Variants in ESCO1 observed in about 807,000 individuals in gnomAD.
ESCO1 encodes N-acetyltransferase ESCO1.
Under a neutral mutation model 83.5 loss-of-function variants are expected in ESCO1, and 33 were observed. The observed-to-expected ratio is 0.40, with a 90% CI of 0.30 to 0.53. The LOEUF (loss-of-function observed/expected upper bound fraction) is 0.53, where lower values mean the gene tolerates loss of function less well. Among genes scored for constraint, ESCO1 ranks in the 20% least tolerant of loss-of-function variants. The pLI, the probability that ESCO1 is intolerant of heterozygous loss-of-function variation, is 0.63. For synonymous variants in ESCO1, 332 were observed against 324.3 expected, an observed-to-expected ratio of 1.02 and a Z score of -0.25; for missense variants, 855 against 968.0, an observed-to-expected ratio of 0.88 and a Z score of 1.55.
intron 2 of ESCO1, among the ~76,000 whole-genome samples, chr18:21,577,759 G>C (rs369220307): frequency 1.3e-5 from 2 of 152,078 alleles, no homozygotes; most frequent in African/African-American, 4.8e-5. Context: ...GAGTGAAACA[G>C]GAGGTCTACA....
chr18:21,595,856 C>T (rs1291165843), intron 1 of ESCO1, among the ~76,000 whole-genome samples: 2 of 151,272 alleles, frequency 1.3e-5, no homozygotes, highest in South Asian at 2.1e-4. Context: ...CCCAGCTACT[C>T]GGGAGGCTGA....
intron 10 of ESCO1, 28 bp from the exon 11 acceptor site, chr18:21,532,688 T>C (rs201858281): frequency 6.3e-7 from 1 of 1,598,946 alleles, no homozygotes; most frequent in South Asian, 1.1e-5. Flanking sequence ...GGGGAAAAAA[T>C]TTAAGTGAGA....
chr18:21,538,805 G>T (rs2037868624), intron 9 of ESCO1, among the ~76,000 whole-genome samples: 1 of 151,968 alleles, frequency 6.6e-6, no homozygotes, highest in African/African-American at 2.4e-5. Flanking sequence ...AAACTTAACT[G>T]AACCCATTGC....
At position 21,575,244 on chromosome 18, in the gene ESCO1, T is replaced by C. The variant is rs2038403971; in HGVS notation, c.-401A>G. The C allele has an allele frequency of 2.6e-6, 1 of 387,282 alleles. No individual in the cohort carries two copies. The highest frequency in any genetic ancestry group is 4.6e-6 in the Non-Finnish European group (1 of 219,408). 24.0% of individuals were successfully genotyped at this position (387,282 alleles called of 1,614,324 possible). ...GTTATTTATCAGTGACCTGTTTTGATAAAATTTTTGAAAACTTTTTTCTTC... is the reference window on the plus strand; with the variant it reads ...GTTATTTATCAGTGACCTGTTTTGACAAAATTTTTGAAAACTTTTTTCTTC... On this transcript the variant is annotated 5_prime_UTR_variant, in exon 4 of 12. Coordinates refer to ENST00000269214, the MANE Select transcript of ESCO1 (RefSeq NM_052911.3).
chr18:21,588,612 A>G (rs1158771815), intron 1 of ESCO1, among the ~76,000 whole-genome samples: 4 of 152,156 alleles, frequency 2.6e-5, no homozygotes, highest in African/African-American at 9.7e-5. Context: ...AATTAATAAA[A>G]CAGCCAACCA....
In ESCO1 at chr18:21,573,310, T is replaced by C; in HGVS notation, c.1530+4A>G. ...CTCTATTGTGCATAATAAAAACAGA[T>C]TACCTTATTTGATGCTGAATCAAAA... On this transcript the variant is annotated splice_donor_region_variant and intron_variant, in intron 4 of 11. Transcript: ENST00000269214. The C allele has an allele frequency of 1.3e-6, 2 of 1,558,458 alleles. No homozygotes were observed.
chr18:21,595,655 G>T (rs1257536656), intron 1 of ESCO1, among the ~76,000 whole-genome samples: 1 of 146,358 alleles, frequency 6.8e-6, no homozygotes, highest in Non-Finnish European at 1.5e-5. Flanking sequence ...GCAACAGAGC[G>T]AGACTCCGAC....
intron 1 of ESCO1, among the ~76,000 whole-genome samples, chr18:21,594,146 G>A (rs2038726558): frequency 6.6e-6 from 1 of 152,114 alleles, no homozygotes; most frequent in Admixed American, 6.6e-5. Context: ...TGTCTCCTCA[G>A]AGGCAAAATC....
At chr18:21,542,245 G>C (rs915330576) in intron 8 of ESCO1, among the ~76,000 whole-genome samples, 3 of 152,202 alleles carry the variant, frequency 2.0e-5, no homozygotes, top group Non-Finnish European at 2.9e-5. Flanking sequence ...GAGTGCAGTG[G>C]CAAGATCACA....
rs555141163 is a variant in ESCO1 at position 21,529,925 on chromosome 18, A to G, written c.*418T>C. On this transcript the variant is annotated 3_prime_UTR_variant, in exon 12 of 12. Coordinates refer to ENST00000269214, the MANE Select transcript of ESCO1 (RefSeq NM_052911.3). ...TTGGTTTCCACTCTGTGAAAATACA[A>G]TCTTTAAGCCTATCACTGGTATCAG... 139 of 153,730 alleles carry G rather than the reference A, an allele frequency of 9.0e-4. 2 individuals are homozygous for G. Among genetic ancestry groups the G allele is most frequent in the Non-Finnish European group, 1.7e-4 (12 of 68,810 alleles). The allele number at this position is 153,730 out of a possible 1,614,324, so 9.5% of individuals were successfully genotyped here.
chr18:21,552,166 C>A (rs976523968), intron 8 of ESCO1, among the ~76,000 whole-genome samples: 1 of 152,094 alleles, frequency 6.6e-6, no homozygotes, highest in African/African-American at 2.4e-5. Flanking sequence ...CTTAGAATAG[C>A]CAACACAAAA....
At chr18:21,593,876 C>G (rs1309752907) in intron 1 of ESCO1, among the ~76,000 whole-genome samples, 10 of 151,956 alleles carry the variant, frequency 6.6e-5, no homozygotes, top group Non-Finnish European at 1.2e-4. Flanking sequence ...TGCTACGCTT[C>G]CCATAGCTAA....
At chr18:21,561,733 G>C (rs1026224763) in intron 7 of ESCO1, among the ~76,000 whole-genome samples, 2 of 150,578 alleles carry the variant, frequency 1.3e-5, no homozygotes, top group East Asian at 4.0e-4. Flanking sequence ...TCGCCACCTG[G>C]CTAATTTTTA....
intron 1 of ESCO1, chr18:21,592,976 C>T (rs1251514210): frequency 1.2e-5 from 2 of 165,286 alleles, no homozygotes; most frequent in Admixed American, 6.3e-5. Flanking sequence ...GAGGCGCTCC[C>T]CACATCTCAG....
At chr18:21,577,810 C>A (rs892895851) in intron 2 of ESCO1, among the ~76,000 whole-genome samples, 2 of 152,020 alleles carry the variant, frequency 1.3e-5, no homozygotes, top group African/African-American at 2.4e-5. Context: ...ATCATACTGA[C>A]AACAGAAGGA....
At chr18:21,540,388 T>C (rs1210066247) in intron 8 of ESCO1, among the ~76,000 whole-genome samples, 1 of 152,218 alleles carries the variant, frequency 6.6e-6, no homozygotes, top group East Asian at 1.9e-4. Flanking sequence ...TAAACTCTTA[T>C]ATTTCATTGG....
chr18:21,599,616 A>AGG (rs2038812987), intron 1 of ESCO1, among the ~76,000 whole-genome samples: 2 of 152,136 alleles, frequency 1.3e-5, no homozygotes, highest in Admixed American at 6.6e-5. Flanking sequence ...GTGTGCTGCG[A>AGG]TTCCTGTTTA....
intron 2 of ESCO1, among the ~76,000 whole-genome samples, chr18:21,579,014 C>G (rs916812724): frequency 6.6e-6 from 1 of 152,154 alleles, no homozygotes; most frequent in Non-Finnish European, 1.5e-5. Context: ...GCACGCACCA[C>G]TACACCGGCT....
chr18:21,540,799 A>T, intron 8 of ESCO1: 1 of 1,034,374 alleles, frequency 9.7e-7, no homozygotes, highest in Non-Finnish European at 1.2e-6. Flanking sequence ...CAAAATAAGT[A>T]CAGAAGGAAT....
Sources: allele counts gnomAD v4.1 joint callset (sites outside exome capture counted in the v4.1 genomes callset), GRCh38; gene constraint gnomAD v4.1.1; transcripts MANE v1.5; gene names NCBI Gene and HGNC (gene_info 2026-07-23, HGNC 2026-07-21).